ANKRD28: variants seen among roughly 807,000 people sequenced by gnomAD.
ANKRD28 encodes ankyrin repeat domain 28.
Under a neutral mutation model 126.5 loss-of-function variants are expected in ANKRD28, and 44 were observed. The observed-to-expected ratio is 0.35, with a 90% CI of 0.27 to 0.45. The LOEUF (loss-of-function observed/expected upper bound fraction) is 0.45. Among genes scored for constraint, ANKRD28 ranks in the 20% least tolerant of loss-of-function variants. The pLI, the probability that ANKRD28 is intolerant of heterozygous loss-of-function variation, is 1.00. For missense variants in ANKRD28, 1,110 were observed against 1,316.6 expected (o/e 0.84, Z 2.43); for synonymous variants, 442 against 468.5 (o/e 0.94, Z 0.73).
At chr3:15,827,167 A>T (rs1021175368) in intron 1 of ANKRD28, among the ~76,000 whole-genome samples, 1 of 152,112 alleles carries the variant, frequency 6.6e-6, no homozygotes, top group African/African-American at 2.4e-5. Context: ...ACTGTTGGGG[A>T]GGAATGTAAA....
chr3:15,841,014 G>A (rs1005435002), intron 1 of ANKRD28, among the ~76,000 whole-genome samples: 3 of 152,120 alleles, frequency 2.0e-5, no homozygotes, highest in Non-Finnish European at 4.4e-5. Flanking sequence ...GATGGTGCAC[G>A]CCTGTAATCC....
intron 26 of ANKRD28, chr3:15,676,213 A>G (rs1404968639): frequency 5.0e-6 from 2 of 398,966 alleles, no homozygotes; most frequent in East Asian, 3.7e-5. Context: ...GCTCAGCCAT[A>G]GGTCCCATCG....
At chr3:15,732,678 C>T (rs1037524758) in intron 6 of ANKRD28, 3 of 152,176 alleles carry the variant, frequency 2.0e-5, no homozygotes, top group African/African-American at 7.2e-5. Context: ...CATTCTGAAA[C>T]AAATGTTTCC....
chr3:15,733,193 C>G (rs1575436827), intron 6 of ANKRD28: 1 of 152,168 alleles, frequency 6.6e-6, no homozygotes, highest in Non-Finnish European at 1.5e-5. Flanking sequence ...AAACACATCT[C>G]CAGTATTACA....
intron 2 of ANKRD28, among the ~76,000 whole-genome samples, chr3:15,782,018 GAC>G (rs1277695551): frequency 6.6e-6 from 1 of 152,044 alleles, no homozygotes; most frequent in African/African-American, 2.4e-5. Context: ...ACTCTTTTCT[GAC>G]AGTTTTTCCT....
intron 2 of ANKRD28, among the ~76,000 whole-genome samples, chr3:15,788,068 C>T (rs548764019): frequency 1.3e-5 from 2 of 152,196 alleles, no homozygotes; most frequent in African/African-American, 4.8e-5. Context: ...TAATCTCAGC[C>T]TTCCTATGTT....
At chr3:15,779,189 A>G (rs1032040562) in intron 2 of ANKRD28, among the ~76,000 whole-genome samples, 20 of 152,290 alleles carry the variant, frequency 1.3e-4, no homozygotes, top group African/African-American at 4.8e-4. Flanking sequence ...CCTACCATAA[A>G]CTGCAGCCTG....
At position 15,845,560 on chromosome 3, in the gene ANKRD28, A is replaced by C. The variant is rs550607430; in HGVS notation, c.27+13817T>G. ...TACTTATTAGATCTACTTGACTAATACCACACTTGCTATTCTATCTGGTTT... is the reference window on the plus strand; with the variant it reads ...TACTTATTAGATCTACTTGACTAATCCCACACTTGCTATTCTATCTGGTTT... On this transcript the variant is annotated intron_variant, in intron 1 of 27. Coordinates refer to the ANKRD28 transcript ENST00000399451. This position sits in a 1 kb window ranked among gnomAD's most constrained non-coding sequence, Gnocchi z 4.9. Among the ~76,000 whole-genome samples, 25 of 152,330 alleles carry C rather than the reference A, an allele frequency of 1.6e-4. No homozygotes were observed. Among genetic ancestry groups the C allele is most frequent in the African/African-American group, 3.1e-4 (13 of 41,574 alleles).
At chr3:15,720,814 A>C (rs1475700772) in intron 8 of ANKRD28, 101 bp downstream of exon 8, 5 of 1,033,680 alleles carry the variant, frequency 4.8e-6, no homozygotes, top group Non-Finnish European at 7.0e-6. Flanking sequence ...CATGTTCTTG[A>C]GTTTATCAAT....
chr3:15,679,632 A>C, intron 21 of ANKRD28, 69 bp from the exon 22 acceptor site: 1 of 1,205,190 alleles, frequency 8.3e-7, no homozygotes, highest in Non-Finnish European at 1.2e-6. Flanking sequence ...AGGTACATGT[A>C]AGTGTTTAAA....
At chr3:15,778,744 A>T (rs901253912) in intron 2 of ANKRD28, among the ~76,000 whole-genome samples, 1 of 152,194 alleles carries the variant, frequency 6.6e-6, no homozygotes, top group Non-Finnish European at 1.5e-5. Context: ...CAGATGACAT[A>T]AACTAATCAG....
chr3:15,706,264 C>T lies in ANKRD28; in HGVS notation c.1547+1660G>A, dbSNP rs188837802. 8.1e-3 allele frequency among the ~76,000 whole-genome samples: 1,232 copies of T among 151,686 alleles called. 15 individuals are homozygous for T. The highest frequency in any genetic ancestry group is 0.011 in the Non-Finnish European group (776 of 67,804). Reference sequence around the variant, plus strand: ...CTCCTCCCCACCCCATGACAGGCCCCGGTGTGTGATGTTCCCCTTCCTGTG... The same window carrying T: ...CTCCTCCCCACCCCATGACAGGCCCTGGTGTGTGATGTTCCCCTTCCTGTG... On this transcript the variant is annotated intron_variant, in intron 14 of 27. Transcript: ENST00000683139.
At chr3:15,799,978 G>C (rs1409838704), upstream of ANKRD28, among the ~76,000 whole-genome samples, 2 of 152,062 alleles carry the variant, frequency 1.3e-5, no homozygotes, top group Non-Finnish European at 2.9e-5. Context: ...AGAAAATATA[G>C]GTGGCATTAA....
At chr3:15,809,589 A>T (rs1217969062) in intron 1 of ANKRD28, among the ~76,000 whole-genome samples, 1 of 152,222 alleles carries the variant, frequency 6.6e-6, no homozygotes, top group Non-Finnish European at 1.5e-5. Flanking sequence ...GTAAGCAAAA[A>T]CTGCTCATAG....
At position 15,839,456 on chromosome 3, in the gene ANKRD28, C is replaced by A. The variant is rs2061387755; in HGVS notation, c.27+19921G>T. Among the ~76,000 whole-genome samples the A allele has an allele frequency of 6.6e-6, 1 of 152,056 alleles. No individual in the cohort carries two copies. Among genetic ancestry groups the A allele is most frequent in the African/African-American group, 2.4e-5 (1 of 41,406 alleles). ...GACATGTTGATTCAGCACACAGGAA[C>A]ACCAAACCAATGAAAACTATAATCA... is the stretch of plus-strand genomic sequence containing the variant. On this transcript the variant is annotated intron_variant, in intron 1 of 27. Coordinates refer to the ANKRD28 transcript ENST00000399451. The surrounding 1 kb of genome is among the most constrained non-coding windows in gnomAD (Gnocchi z 4.3).
chr3:15,732,223 T>C (rs2074685438), intron 6 of ANKRD28: 1 of 152,162 alleles, frequency 6.6e-6, no homozygotes, highest in African/African-American at 2.4e-5. Flanking sequence ...AAAGCATCAC[T>C]CCACAGTCTG....
intron 18 of ANKRD28, among the ~76,000 whole-genome samples, chr3:15,687,331 T>A (rs1258001818): frequency 6.6e-6 from 1 of 151,002 alleles, no homozygotes; most frequent in African/African-American, 2.5e-5. Flanking sequence ...TAATTTCAAA[T>A]GATATATATA....
intron 1 of ANKRD28, among the ~76,000 whole-genome samples, chr3:15,836,173 C>G (rs1013235100): frequency 1.3e-5 from 2 of 151,914 alleles, no homozygotes; most frequent in Non-Finnish European, 2.9e-5. Flanking sequence ...ATGTTTTTCT[C>G]TTTCTTCTTT....
intron 2 of ANKRD28, among the ~76,000 whole-genome samples, chr3:15,769,518 G>A (rs2058898769): frequency 2.0e-5 from 3 of 152,160 alleles, no homozygotes; most frequent in Non-Finnish European, 4.4e-5. Context: ...GAGGCAAAAT[G>A]CTAGTAACAA....
Sources: allele counts gnomAD v4.1 joint callset (sites outside exome capture counted in the v4.1 genomes callset), GRCh38; gene constraint gnomAD v4.1.1; non-coding constraint Gnocchi (gnomAD v3.1); transcripts MANE v1.5; gene names NCBI Gene and HGNC (gene_info 2026-07-23, HGNC 2026-07-21).